The following SGCZ variants were observed in gnomAD, a reference collection of about 807,000 sequenced individuals.
SGCZ encodes zeta-sarcoglycan.
SGCZ carries 40 observed loss-of-function variants against 41.3 expected under a neutral mutation model. That is an observed-to-expected ratio of 0.97 (90% CI 0.75 to 1.26). SGCZ has a LOEUF of 1.26. Ranked by LOEUF, SGCZ falls within the 50% of genes most tolerant of loss-of-function variation. The pLI, the probability that SGCZ is intolerant of heterozygous loss-of-function variation, is 0.00. For missense variants in SGCZ, 552 were observed against 369.8 expected (o/e 1.49, Z -4.04); for synonymous variants, 206 against 137.5 (o/e 1.50, Z -3.49).
At position 14,102,100 on chromosome 8, in the gene SGCZ, ATATAAT is replaced by A. The variant is rs1162028957; in HGVS notation, c.744+270_744+275del. Among the ~76,000 whole-genome samples the A allele has an allele frequency of 6.4e-3, 481 of 74,680 alleles. 3 individuals are homozygous for A. The highest frequency in any genetic ancestry group is 0.015 in the Admixed American group (102 of 6,902). The allele number at this position is 74,680 out of a possible 152,430, so 49.0% of individuals were successfully genotyped here. A position where few individuals can be genotyped will look rare whatever the true frequency, so the allele number is the denominator to read the frequency against. Reference sequence around the variant, plus strand: ...TTTATATATATATATATATATATATATATAATTTTTTTTTTTTTTAGTAGAGATGGG... The same window carrying A: ...TTTATATATATATATATATATATATATTTTTTTTTTTTTAGTAGAGATGGG... On this transcript the variant is annotated intron_variant, in intron 7 of 7. Coordinates refer to ENST00000382080, the MANE Select transcript of SGCZ (RefSeq NM_139167.4).
rs1024220018 is a variant in SGCZ at position 14,949,548 on chromosome 8, A to G, written c.39+288037T>C. Among the ~76,000 whole-genome samples, 4 of 152,114 alleles carry G rather than the reference A, an allele frequency of 2.6e-5. No individual in the cohort carries two copies. In the South Asian group the frequency reaches 6.2e-4, roughly 24 times the overall value. On this transcript the variant is annotated intron_variant, in intron 1 of 7. Transcript: ENST00000382080. ...TTTCAGGAAACTAAAGATAAAATCA[A>G]TACTTTGGAGATCATTAAATCTTGG...
intron 4 of SGCZ, among the ~76,000 whole-genome samples, chr8:14,207,375 G>C (rs1805650811): frequency 6.6e-6 from 1 of 152,158 alleles, no homozygotes; most frequent in Non-Finnish European, 1.5e-5. Context: ...TGACAGAGTA[G>C]CATTAAGATT....
At chr8:14,230,464 G>T (rs1806521930) in intron 4 of SGCZ, among the ~76,000 whole-genome samples, 1 of 151,992 alleles carries the variant, frequency 6.6e-6, no homozygotes, top group South Asian at 2.1e-4. Context: ...CAGAAACCTG[G>T]AACGGATGCC....
chr8:14,145,281 G>C (rs953373143), intron 5 of SGCZ, among the ~76,000 whole-genome samples: 1 of 152,094 alleles, frequency 6.6e-6, no homozygotes, highest in Non-Finnish European at 1.5e-5. Flanking sequence ...TCTCTGCCTG[G>C]TAATCCAGAG....
intron 1 of SGCZ, among the ~76,000 whole-genome samples, chr8:14,844,298 G>A (rs1474982455): frequency 2.6e-5 from 4 of 152,068 alleles, no homozygotes; most frequent in East Asian, 3.9e-4. Context: ...TTTAGAGAGT[G>A]GAAACAACAG....
chr8:14,314,814 C>T (rs1233296885), intron 3 of SGCZ, among the ~76,000 whole-genome samples: 2 of 152,084 alleles, frequency 1.3e-5, no homozygotes, highest in African/African-American at 4.8e-5. Flanking sequence ...TATTAAAAAG[C>T]ATTTTATTAT....
chr8:14,712,081 C>A (rs960685175), intron 1 of SGCZ, among the ~76,000 whole-genome samples: 1 of 152,180 alleles, frequency 6.6e-6, no homozygotes, highest in Non-Finnish European at 1.5e-5. Flanking sequence ...CCAGCCTGGC[C>A]AACATGGCGA....
At chr8:14,254,638 A>T (rs915699835) in intron 3 of SGCZ, among the ~76,000 whole-genome samples, 2 of 152,224 alleles carry the variant, frequency 1.3e-5, no homozygotes, top group Non-Finnish European at 2.9e-5. Context: ...TTACATTAAG[A>T]ACATTAACAA....
chr8:14,308,042 G>T (rs994332786), intron 3 of SGCZ, among the ~76,000 whole-genome samples: 1 of 151,882 alleles, frequency 6.6e-6, no homozygotes, highest in Admixed American at 6.6e-5. Context: ...TACGATTCGG[G>T]GGAACAATAT....
intron 1 of SGCZ, among the ~76,000 whole-genome samples, chr8:14,917,182 C>A (rs1799461726): frequency 6.6e-6 from 1 of 152,002 alleles, no homozygotes; most frequent in South Asian, 2.1e-4. Flanking sequence ...AATTTGTCAG[C>A]TTTATAGGGA....
intron 1 of SGCZ, among the ~76,000 whole-genome samples, chr8:15,116,756 A>C (rs1329769306): frequency 1.3e-5 from 2 of 152,228 alleles, no homozygotes; most frequent in Non-Finnish European, 2.9e-5. Context: ...CTGGTACTTT[A>C]TCATTTCTCT....
chr8:14,326,991 C>CAA (rs10709214), intron 2 of SGCZ, among the ~76,000 whole-genome samples: 232 of 149,568 alleles, frequency 1.6e-3, no homozygotes, highest in African/African-American at 5.5e-3. Flanking sequence ...CTTAAAGTGG[C>CAA]AAAAAAAAAT....
At chr8:14,604,681 A>G (rs1352997372) in intron 1 of SGCZ, among the ~76,000 whole-genome samples, 1 of 152,212 alleles carries the variant, frequency 6.6e-6, no homozygotes, top group Non-Finnish European at 1.5e-5. Context: ...TTAACCCATT[A>G]TAAACGCAGA....
intron 2 of SGCZ, among the ~76,000 whole-genome samples, chr8:14,407,038 G>C (rs547670880): frequency 1.4e-5 from 2 of 146,914 alleles, no homozygotes; most frequent in African/African-American, 2.5e-5. Flanking sequence ...ATATAAATAA[G>C]ACAAATTCTA....
At chr8:14,343,085 C>A (rs1047325266) in intron 2 of SGCZ, among the ~76,000 whole-genome samples, 2 of 152,168 alleles carry the variant, frequency 1.3e-5, no homozygotes, top group African/African-American at 2.4e-5. Context: ...TGGTGTTGAG[C>A]CTACAGGTGC....
At chr8:15,224,396 G>C (rs1220243482) in intron 1 of SGCZ, among the ~76,000 whole-genome samples, 1 of 151,474 alleles carries the variant, frequency 6.6e-6, no homozygotes, top group Non-Finnish European at 1.5e-5. Context: ...TATCCTAAGA[G>C]AAAATACCTG....
chr8:14,447,961 A>G (rs1021893938), intron 2 of SGCZ, among the ~76,000 whole-genome samples: 1 of 152,222 alleles, frequency 6.6e-6, no homozygotes, highest in African/African-American at 2.4e-5. Flanking sequence ...TCAAGCTCTA[A>G]GAGCCCAAAC....
At chr8:14,898,581 T>C (rs914732131) in intron 1 of SGCZ, among the ~76,000 whole-genome samples, 1 of 152,164 alleles carries the variant, frequency 6.6e-6, no homozygotes, top group East Asian at 1.9e-4. Flanking sequence ...GGAAAGATGG[T>C]TATTGGACTT....
chr8:14,378,398 G>T (rs1180926160), intron 2 of SGCZ, among the ~76,000 whole-genome samples: 1 of 152,216 alleles, frequency 6.6e-6, no homozygotes, highest in Non-Finnish European at 1.5e-5. Flanking sequence ...AACACCAAAA[G>T]CAATGGCAAC....
Sources: gnomAD v4.1 joint callset for allele counts (sites outside exome capture counted in the v4.1 genomes callset) on GRCh38, gnomAD v4.1.1 for gene constraint, MANE v1.5 for transcripts, NCBI Gene and HGNC (gene_info 2026-07-23, HGNC 2026-07-21) for gene names.